Variants in KIF13B observed in about 807,000 individuals in gnomAD.
The protein encoded by KIF13B is kinesin family member 13B.
Under a neutral mutation model 222.0 loss-of-function variants are expected in KIF13B, and 127 were observed. That is an observed-to-expected ratio of 0.57 (90% CI 0.50 to 0.66). KIF13B has a LOEUF of 0.66. KIF13B is among the 30% of genes least tolerant of loss of function. KIF13B has a pLI of 0.00. For missense variants in KIF13B, 2,173 were observed against 2,379.0 expected, an observed-to-expected ratio of 0.91 and a Z score of 1.80; for synonymous variants, 976 against 919.0, an observed-to-expected ratio of 1.06 and a Z score of -1.12.
At chr8:29,186,199 C>T in intron 6 of KIF13B, 93 bp downstream of exon 6, 1 of 966,224 alleles carries the variant, frequency 1.0e-6, no homozygotes, top group East Asian at 2.4e-5. Context: ...CAGAGCGAGA[C>T]CCTCTGAAAA....
chr8:29,235,198 ACAG>A (rs1254381427), intron 2 of KIF13B, among the ~76,000 whole-genome samples: 1 of 152,226 alleles, frequency 6.6e-6, no homozygotes, highest in Non-Finnish European at 1.5e-5. Flanking sequence ...AACCAATGAA[ACAG>A]CATTGACACA....
chr8:29,253,365 T>C (rs978495725), intron 1 of KIF13B, among the ~76,000 whole-genome samples: 2 of 151,170 alleles, frequency 1.3e-5, no homozygotes, highest in Admixed American at 6.6e-5. Context: ...AAAATAATCC[T>C]ATGTGACCAA....
chr8:29,177,126 C>CCA (rs948800724), intron 9 of KIF13B, among the ~76,000 whole-genome samples: 3 of 152,260 alleles, frequency 2.0e-5, no homozygotes, highest in African/African-American at 7.2e-5. Context: ...TGGGTTGACA[C>CCA]ACCTGGGGGT....
intron 9 of KIF13B, 87 bp downstream of exon 9, chr8:29,177,379 T>A: frequency 1.0e-6 from 1 of 999,872 alleles, no homozygotes; most frequent in Non-Finnish European, 1.6e-6. Context: ...AAATTTCAAA[T>A]CACCTTAATA....
intron 19 of KIF13B, among the ~76,000 whole-genome samples, chr8:29,141,186 T>A (rs1374122255): frequency 1.3e-5 from 2 of 151,908 alleles, no homozygotes; most frequent in Non-Finnish European, 2.9e-5. Flanking sequence ...ATACAAAAAT[T>A]AGCCAGGTGT....
chr8:29,071,761 C>T lies in KIF13B; in HGVS notation c.5077G>A (p.Glu1693Lys). ...AGCCACTCCGGGACCTCGTCAGCTT[C>T]CTCGGAATCAGAGGCCAGGGCCTGT... ...GGQALASDSE[E>K]ADEVPEWLRE... The change falls in exon 39 of 40, where the codon GAA (glutamate) becomes AAA (lysine). Residue 1693 changes from glutamate to lysine, a missense_variant. Transcript: ENST00000524189. This position sits in a 1 kb window ranked among gnomAD's most constrained non-coding sequence, Gnocchi z 4.9. The T allele has an allele frequency of 1.3e-6, 2 of 1,549,486 alleles. No homozygotes were observed. Among genetic ancestry groups the T allele is most frequent in the Non-Finnish European group, 1.7e-6 (2 of 1,146,614 alleles).
At chr8:29,233,096 C>T (rs530733208) in intron 2 of KIF13B, among the ~76,000 whole-genome samples, 2 of 152,300 alleles carry the variant, frequency 1.3e-5, no homozygotes, top group African/African-American at 4.8e-5. Context: ...GTGGAGGTTG[C>T]AGTGAGCAGA....
chr8:29,080,327 CAAAAAAAA>C (rs5890439), intron 37 of KIF13B, among the ~76,000 whole-genome samples: 1 of 67,152 alleles, frequency 1.5e-5, no homozygotes, highest in Non-Finnish European at 2.6e-5. Flanking sequence ...GACCCAGTCT[CAAAAAAAA>C]AAAAAAAAAA....
At chr8:29,107,774 A>G (rs1809157462) in intron 35 of KIF13B, among the ~76,000 whole-genome samples, 1 of 151,784 alleles carries the variant, frequency 6.6e-6, no homozygotes, top group Non-Finnish European at 1.5e-5. Context: ...GTTAGCCAGG[A>G]TGGTCTCGAT....
intron 32 of KIF13B, 83 bp downstream of exon 32, chr8:29,113,380 T>C (rs1470244741): frequency 5.5e-6 from 4 of 729,064 alleles, no homozygotes; most frequent in Admixed American, 2.8e-5. Context: ...ACTTCATATG[T>C]ATGTCATGGG....
chr8:29,133,984 G>T (rs1810454090), intron 22 of KIF13B, 56 bp downstream of exon 22: 2 of 1,504,036 alleles, frequency 1.3e-6, no homozygotes, highest in Admixed American at 2.0e-5. Context: ...TTCATTTTCT[G>T]TTTTGTTTTC....
At chr8:29,131,358 A>G (rs528004655) in intron 23 of KIF13B, among the ~76,000 whole-genome samples, 109 of 152,308 alleles carry the variant, frequency 7.2e-4, no homozygotes, top group African/African-American at 2.6e-3. Context: ...AAGGAAAAAA[A>G]AAGCAAATAC....
At position 29,165,657 on chromosome 8, in the gene KIF13B, C is replaced by A. The variant is rs1230539515; in HGVS notation, c.1269+5G>T. ...TCATGCGCTTCATCATCAGGAAACA[C>A]GAACCTGTGCAATCTCCTCCGTTTT... On this transcript the variant is annotated splice_donor_5th_base_variant and intron_variant, in intron 12 of 39. Transcript: ENST00000524189. 6.3e-7 allele frequency: 1 copy of A among 1,583,126 alleles called. No individual in the cohort carries two copies. The highest frequency in any genetic ancestry group is 1.1e-5 in the South Asian group (1 of 90,374).
chr8:29,159,320 T>C lies in KIF13B; in HGVS notation c.1404+1413A>G, dbSNP rs1049109827. 2.6e-5 allele frequency among the ~76,000 whole-genome samples: 4 copies of C among 152,160 alleles called. No individual in the cohort carries two copies. The East Asian group carries it at 7.7e-4, about 29-fold the overall frequency. ...CATGTACCACCACCCCGGCTAATTT[T>C]TATATTTTTAGTAGAGACGGAGTTT... On this transcript the variant is annotated intron_variant, in intron 13 of 39. Transcript: ENST00000524189.
Position 29,167,417 on chromosome 8 carries a change from G to A in KIF13B, c.1114C>T (p.Arg372Trp), listed in dbSNP as rs1265020735. Residue 372 changes from arginine (R) to tryptophan (W), a missense_variant, in exon 11 of 40, where the codon CGG becomes TGG. Around this residue, in one of 2 missense-constraint regions of KIF13B, gnomAD observed 1,480 missense variants for 1,722.8 expected, o/e 0.86. Transcript: ENST00000524189. Reference protein sequence around the residue: ...DPNARIIRDLREEVEKLREQL... With the variant: ...DPNARIIRDLWEEVEKLREQL... ...TCCCGGAGTTTCTCAACTTCTTCCC[G>A]GAGATCCCGGATAATTCGGGCATTA... 5.0e-6 allele frequency: 8 copies of A among 1,613,482 alleles called. No individual in the cohort carries two copies. The highest frequency in any genetic ancestry group is 1.7e-4 in the Middle Eastern group (1 of 5,768).
At chr8:29,186,534 T>G in intron 5 of KIF13B, 62 bp from the exon 6 acceptor site, 4 of 1,377,046 alleles carry the variant, frequency 2.9e-6, no homozygotes, top group Non-Finnish European at 4.0e-6. Flanking sequence ...ATAACCCTCT[T>G]TCCGTTGCTC....
At chr8:29,183,991 C>A (rs187652178) in intron 6 of KIF13B, among the ~76,000 whole-genome samples, 2 of 152,226 alleles carry the variant, frequency 1.3e-5, no homozygotes, top group Admixed American at 6.5e-5. Flanking sequence ...GGAAATGACT[C>A]TTAAATCTAA....
chr8:29,241,542 T>C (rs1815777918), intron 2 of KIF13B, among the ~76,000 whole-genome samples: 2 of 152,224 alleles, frequency 1.3e-5, no homozygotes, highest in Admixed American at 1.3e-4. Flanking sequence ...AGGTTGGGAT[T>C]ATTTTCATAA....
At chr8:29,106,628 G>A (rs376711657) in intron 35 of KIF13B, among the ~76,000 whole-genome samples, 30 of 66,300 alleles carry the variant, frequency 4.5e-4, no homozygotes, top group South Asian at 2.5e-3. Flanking sequence ...GCGAAACTCT[G>A]TCTCAAAAAA....
Sources: allele counts gnomAD v4.1 joint callset (sites outside exome capture counted in the v4.1 genomes callset), GRCh38; gene constraint gnomAD v4.1.1; regional missense constraint gnomAD v4.1.1; non-coding constraint Gnocchi (gnomAD v3.1); transcripts MANE v1.5; gene names NCBI Gene and HGNC (gene_info 2026-07-23, HGNC 2026-07-21).